Variants in PCDHA6 observed in about 807,000 individuals in gnomAD.
PCDHA6 encodes the protein protocadherin alpha 6, also known as protocadherin alpha-6.
Under a neutral mutation model 60.3 loss-of-function variants are expected in PCDHA6, and 55 were observed. The observed-to-expected ratio is 0.91, with a 90% CI of 0.73 to 1.14. The LOEUF (loss-of-function observed/expected upper bound fraction) is 1.14, where lower values mean the gene tolerates loss of function less well. PCDHA6 is among the 50% of genes most tolerant of loss of function. The pLI, the probability that PCDHA6 is intolerant of heterozygous loss-of-function variation, is 0.00. For synonymous variants in PCDHA6, 652 were observed against 557.9 expected (o/e 1.17, Z -2.38); for missense variants, 1,327 against 1,256.5 (o/e 1.06, Z -0.85).
rs2150341542 is a variant in PCDHA6, at chr5:140,842,668, C to A, written c.2394+12183C>A. 1.2e-5 allele frequency: 19 copies of A among 1,595,382 alleles called. 1 individual carries two copies. Among genetic ancestry groups the A allele is most frequent in the East Asian group, 2.2e-5 (1 of 44,804 alleles). ...TGTCTGTGGAGGTGGCCGACGTGAACGACAATGCTCCGGCGTTCGCGCAGC... is the reference window on the plus strand; with the variant it reads ...TGTCTGTGGAGGTGGCCGACGTGAAAGACAATGCTCCGGCGTTCGCGCAGC... On this transcript the variant is annotated intron_variant, in intron 1 of 3. Transcript: ENST00000529310.
At chr5:140,901,128 A>G (rs1429296842) in intron 1 of PCDHA6, among the ~76,000 whole-genome samples, 3 of 152,114 alleles carry the variant, frequency 2.0e-5, no homozygotes, top group South Asian at 2.1e-4. Flanking sequence ...TTAGATGGGT[A>G]GATTGTAAAT....
chr5:140,898,422 C>T (rs1554187981), intron 1 of PCDHA6, among the ~76,000 whole-genome samples: 2 of 152,278 alleles, frequency 1.3e-5, no homozygotes, highest in East Asian at 3.9e-4. Context: ...AGCCAGTTTT[C>T]CCAGCACCAT....
Position 140,858,030 on chromosome 5 carries a change from C to T in PCDHA6, c.2394+27545C>T, listed in dbSNP as rs534379807. 197 of 1,597,024 alleles carry T rather than the reference C, an allele frequency of 1.2e-4. 17 individuals are homozygous for T. Among genetic ancestry groups the T allele is most frequent in the Middle Eastern group, 3.3e-4 (2 of 5,996 alleles). On this transcript the variant is annotated intron_variant, in intron 1 of 3. Coordinates refer to ENST00000529310, the MANE Select transcript of PCDHA6 (RefSeq NM_018909.4). ...CATGGCGAGCCGTCGCTGACGGCCA[C>T]GGCCACTGTGCTTGTGTCGCTTGTG...
intron 1 of PCDHA6, among the ~76,000 whole-genome samples, chr5:140,935,915 CAG>C (rs2090644404): frequency 7.6e-6 from 1 of 131,048 alleles, no homozygotes; most frequent in Non-Finnish European, 1.6e-5. Flanking sequence ...TTTTTTGAGA[CAG>C]ATTCTCATTC....
chr5:140,918,445 A>G (rs2078702084), intron 1 of PCDHA6, among the ~76,000 whole-genome samples: 1 of 152,144 alleles, frequency 6.6e-6, no homozygotes, highest in African/African-American at 2.4e-5. Context: ...GAGTGGTGAC[A>G]GTGGGCATCC....
Position 140,850,981 on chromosome 5 carries a change from T to C in PCDHA6, c.2394+20496T>C, listed in dbSNP as rs1554145152. ...CCAGGGGCCGTTCAAATAGTTTTATTCATTTTTCTAGAAATCCAGCAGATT... is the reference window on the plus strand; with the variant it reads ...CCAGGGGCCGTTCAAATAGTTTTATCCATTTTTCTAGAAATCCAGCAGATT... On this transcript the variant is annotated intron_variant, in intron 1 of 3. Coordinates refer to ENST00000529310, the MANE Select transcript of PCDHA6 (RefSeq NM_018909.4). 1.3e-5 allele frequency: 19 copies of C among 1,453,220 alleles called. No individual in the cohort carries two copies. In the East Asian group the frequency reaches 4.5e-4, roughly 35 times the overall value. 90.0% of individuals were successfully genotyped at this position (1,453,220 alleles called of 1,614,324 possible). A position where few individuals can be genotyped will look rare whatever the true frequency, so the allele number is the denominator to read the frequency against.
intron 1 of PCDHA6, among the ~76,000 whole-genome samples, chr5:140,973,052 G>C (rs114678656): frequency 0.013 from 2,011 of 152,210 alleles, 55 homozygotes; most frequent in African/African-American, 0.046. Flanking sequence ...TAGTAGATTT[G>C]TCCAACAGTG....
intron 1 of PCDHA6, among the ~76,000 whole-genome samples, chr5:140,888,467 A>C (rs562447782): frequency 7.2e-5 from 11 of 152,334 alleles, no homozygotes; most frequent in African/African-American, 2.6e-4. Flanking sequence ...TCAAAATGTC[A>C]GTAGTTCCAC....
chr5:140,954,638 T>C (rs1297767818), intron 1 of PCDHA6, among the ~76,000 whole-genome samples: 2 of 152,212 alleles, frequency 1.3e-5, no homozygotes, highest in Non-Finnish European at 2.9e-5. Flanking sequence ...TTCTTGTAAA[T>C]TTGTTTAAGT....
Position 141,010,368 on chromosome 5 carries a change from C to A in PCDHA6, c.*431C>A. On this transcript the variant is annotated 3_prime_UTR_variant, in exon 4 of 4. Transcript: ENST00000529310. ...GGTATGTGTGGCTACCGCGGGTATG[C>A]GAGTGCCAGATATTGGCTGAGACGA... 2 of 1,471,050 alleles carry A rather than the reference C, an allele frequency of 1.4e-6. No homozygotes were observed. Among genetic ancestry groups the A allele is most frequent in the Non-Finnish European group, 1.8e-6 (2 of 1,106,904 alleles). The allele number at this position is 1,471,050 out of a possible 1,614,324, so 91.1% of individuals were successfully genotyped here. A position where few individuals can be genotyped will look rare whatever the true frequency, so the allele number is the denominator to read the frequency against.
chr5:140,962,511 C>T (rs1164554453), intron 1 of PCDHA6, among the ~76,000 whole-genome samples: 1 of 152,106 alleles, frequency 6.6e-6, no homozygotes, highest in Non-Finnish European at 1.5e-5. Flanking sequence ...AGCCAACTAT[C>T]AATAATATAT....
In PCDHA6 at chr5:141,011,970, C is replaced by T. The variant is rs975637071; in HGVS notation, c.*2033C>T. ...AGCATTAAATTTAAAAAAAAACTGT[C>T]TTGTCTACTTTTAGCTTCATTCTCC... On this transcript the variant is annotated 3_prime_UTR_variant, in exon 4 of 4. Coordinates refer to ENST00000529310, the MANE Select transcript of PCDHA6 (RefSeq NM_018909.4). 6.5e-6 allele frequency: 1 copy of T among 153,576 alleles called. No homozygotes were observed. Among genetic ancestry groups the T allele is most frequent in the African/African-American group, 2.4e-5 (1 of 41,406 alleles). The allele number at this position is 153,576 out of a possible 1,614,324, so 9.5% of individuals were successfully genotyped here.
rs375332226 is a variant in PCDHA6 at position 141,003,567 on chromosome 5, ACTCCCAAAGTG to A, written c.2543-6057_2543-6047del. Among the ~76,000 whole-genome samples, 186 of 152,020 alleles carry A rather than the reference ACTCCCAAAGTG, an allele frequency of 1.2e-3. 1 individual carries two copies. Among genetic ancestry groups the A allele is most frequent in the African/African-American group, 4.1e-3 (172 of 41,464 alleles). On this transcript the variant is annotated intron_variant, in intron 3 of 3. Coordinates refer to ENST00000529310, the MANE Select transcript of PCDHA6 (RefSeq NM_018909.4). ...GCTTCAAGTGATCCACCTGCCTCAGACTCCCAAAGTGCTGGGATTTTAGATGTGAGCCACCA... is the reference window on the plus strand; with the variant it reads ...GCTTCAAGTGATCCACCTGCCTCAGACTGGGATTTTAGATGTGAGCCACCA...
chr5:140,892,448 A>G (rs973072554), intron 1 of PCDHA6, among the ~76,000 whole-genome samples: 13 of 152,292 alleles, frequency 8.5e-5, no homozygotes, highest in African/African-American at 2.9e-4. Context: ...ATTTACATGT[A>G]TTCTTTAAGT....
At chr5:140,842,946 T>C (rs2150348496) in intron 1 of PCDHA6, 1 of 1,594,616 alleles carries the variant, frequency 6.3e-7, no homozygotes, top group Non-Finnish European at 8.6e-7. Flanking sequence ...GACGCGGGCG[T>C]GCCGCCTCTG....
intron 1 of PCDHA6, chr5:140,858,137 TACCTGATCATCGCC>T: frequency 1.9e-6 from 3 of 1,597,500 alleles, no homozygotes; most frequent in Non-Finnish European, 2.6e-6. Context: ...TGTCAACGTG[TACCTGATCATCGCC>T]ATCTGCGCGG....
intron 1 of PCDHA6, chr5:140,928,138 A>G (rs1554205540): frequency 1.9e-6 from 3 of 1,614,190 alleles, no homozygotes; most frequent in South Asian, 1.1e-5. Context: ...AGTCCTGATC[A>G]CGGCCTCAGA....
At chr5:140,906,022 C>T (rs782487413) in intron 1 of PCDHA6, among the ~76,000 whole-genome samples, 9 of 152,192 alleles carry the variant, frequency 5.9e-5, no homozygotes, top group African/African-American at 1.2e-4. Context: ...AATCTCTCCA[C>T]GTTCTTCTGT....
At chr5:140,834,413 G>C in intron 1 of PCDHA6, 3 of 1,611,242 alleles carry the variant, frequency 1.9e-6, no homozygotes, top group Non-Finnish European at 2.5e-6. Context: ...ACGACCCAGG[G>C]GGCCGACATC....
Sources: gnomAD v4.1 joint callset for allele counts (sites outside exome capture counted in the v4.1 genomes callset) on GRCh38, gnomAD v4.1.1 for gene constraint, MANE v1.5 for transcripts, NCBI Gene and HGNC (gene_info 2026-07-23, HGNC 2026-07-21) for gene names.